ARID2: variants seen among roughly 807,000 people sequenced by gnomAD.
ARID2 encodes the protein AT-rich interactive domain-containing protein 2.
A neutral mutation model predicts 184.6 loss-of-function variants in ARID2; 32 were observed. The observed-to-expected ratio is 0.17, with a 90% CI of 0.13 to 0.23. The LOEUF (loss-of-function observed/expected upper bound fraction) is 0.23, where lower values mean the gene tolerates loss of function less well. ARID2 is among the 10% of genes least tolerant of loss of function. The probability of loss-of-function intolerance (pLI) is 1.00; values close to 1 mark genes in which losing one functional copy is unlikely to be tolerated. For missense variants in ARID2, 1,696 were observed against 2,197.6 expected (o/e 0.77, Z 4.56); for synonymous variants, 836 against 772.6 (o/e 1.08, Z -1.36).
At chr12:45,853,842 A>G (rs1943599418) in intron 15 of ARID2, among the ~76,000 whole-genome samples, 1 of 152,240 alleles carries the variant, frequency 6.6e-6, no homozygotes. Flanking sequence ...GGTGTGGGCA[A>G]TAGCCAAATG....
At chr12:45,831,396 T>C (rs1176202660) in intron 6 of ARID2, among the ~76,000 whole-genome samples, 1 of 152,166 alleles carries the variant, frequency 6.6e-6, no homozygotes, top group Non-Finnish European at 1.5e-5. Context: ...TTAATTGTTA[T>C]GGATATGTAG....
intron 6 of ARID2, among the ~76,000 whole-genome samples, chr12:45,835,958 A>G (rs1943214351): frequency 1.3e-5 from 2 of 151,990 alleles, no homozygotes; most frequent in African/African-American, 2.4e-5. Context: ...TTTAATGTAC[A>G]TAGAGATGTC....
chr12:45,829,795 C>T (rs1435098600), intron 6 of ARID2, among the ~76,000 whole-genome samples: 1 of 111,562 alleles, frequency 9.0e-6, no homozygotes, highest in East Asian at 2.5e-4. Context: ...GGTTATCTTT[C>T]TTCTTCTTTT....
chr12:45,774,246 A>C (rs1321117725), intron 3 of ARID2, among the ~76,000 whole-genome samples: 1 of 152,182 alleles, frequency 6.6e-6, no homozygotes, highest in East Asian at 1.9e-4. Context: ...GACATTACTA[A>C]ATTACTTATA....
At chr12:45,830,605 C>T (rs1284208198) in intron 6 of ARID2, among the ~76,000 whole-genome samples, 3 of 152,054 alleles carry the variant, frequency 2.0e-5, no homozygotes, top group South Asian at 2.1e-4. Context: ...GCATCAAGAG[C>T]GAAACCATTT....
chr12:45,737,444 T>A (rs1180169681), intron 3 of ARID2, among the ~76,000 whole-genome samples: 1 of 151,918 alleles, frequency 6.6e-6, no homozygotes, highest in African/African-American at 2.4e-5. Flanking sequence ...CTTTGATTGC[T>A]TTCTTTTGGT....
At chr12:45,899,779 C>A (rs1482251945) in intron 20 of ARID2, among the ~76,000 whole-genome samples, 1 of 117,522 alleles carries the variant, frequency 8.5e-6, no homozygotes, top group Non-Finnish European at 1.9e-5. Flanking sequence ...CCCTACTTTA[C>A]CCCCCCCTCC....
intron 3 of ARID2, among the ~76,000 whole-genome samples, chr12:45,742,551 A>T (rs1467794672): frequency 3.9e-5 from 6 of 152,208 alleles, no homozygotes; most frequent in African/African-American, 1.4e-4. Context: ...CATTAAAAAT[A>T]TATATTTTGC....
intron 6 of ARID2, among the ~76,000 whole-genome samples, chr12:45,833,790 C>G (rs1592106016): frequency 6.6e-6 from 1 of 152,166 alleles, no homozygotes; most frequent in East Asian, 1.9e-4. Flanking sequence ...ATTACAGCCT[C>G]TTATAATTGT....
chr12:45,788,628 C>T (rs902715086), intron 3 of ARID2, among the ~76,000 whole-genome samples: 1 of 152,076 alleles, frequency 6.6e-6, no homozygotes, highest in Non-Finnish European at 1.5e-5. Context: ...GTTTATAATA[C>T]TCCTATAGTG....
chr12:45,863,770 C>T (rs1168596250), intron 16 of ARID2, among the ~76,000 whole-genome samples: 1 of 151,062 alleles, frequency 6.6e-6, no homozygotes, highest in Non-Finnish European at 1.5e-5. Context: ...GTTCTTAGTT[C>T]TGTATTGGCA....
intron 16 of ARID2, among the ~76,000 whole-genome samples, chr12:45,866,601 G>A (rs1349601718): frequency 6.6e-6 from 1 of 152,166 alleles, no homozygotes; most frequent in African/African-American, 2.4e-5. Context: ...CCCACTACCT[G>A]GCTACTCAAA....
chr12:45,843,004 C>T (rs1359373653), intron 11 of ARID2, among the ~76,000 whole-genome samples: 1 of 152,068 alleles, frequency 6.6e-6, no homozygotes, highest in Non-Finnish European at 1.5e-5. Context: ...GTTCTTTGAA[C>T]TTCAGAATTA....
intron 3 of ARID2, among the ~76,000 whole-genome samples, chr12:45,804,484 G>A (rs1205957432): frequency 6.6e-6 from 1 of 151,730 alleles, no homozygotes; most frequent in African/African-American, 2.4e-5. Context: ...GTGTGCGTGT[G>A]TGTGCGTGTG....
chr12:45,848,086 G>A (rs1346232221), intron 12 of ARID2, among the ~76,000 whole-genome samples: 1 of 151,838 alleles, frequency 6.6e-6, no homozygotes, highest in African/African-American at 2.4e-5. Context: ...TGGAGAGGGG[G>A]AAGAGAATCA....
At chr12:45,890,405 T>C (rs1048523062) in intron 16 of ARID2, among the ~76,000 whole-genome samples, 1 of 152,262 alleles carries the variant, frequency 6.6e-6, no homozygotes, top group Admixed American at 6.5e-5. Context: ...TGTGTATATG[T>C]GTGCACGTGT....
intron 20 of ARID2, among the ~76,000 whole-genome samples, chr12:45,902,029 A>C (rs1257786249): frequency 6.6e-6 from 1 of 152,220 alleles, no homozygotes; most frequent in Non-Finnish European, 1.5e-5. Flanking sequence ...GAATGGAAAG[A>C]AACTTGTTTA....
At chr12:45,833,389 T>C (rs1943158369) in intron 6 of ARID2, among the ~76,000 whole-genome samples, 1 of 152,204 alleles carries the variant, frequency 6.6e-6, no homozygotes, top group Non-Finnish European at 1.5e-5. Context: ...TCACTGAACA[T>C]ACTTAATAGT....
intron 16 of ARID2, among the ~76,000 whole-genome samples, chr12:45,861,680 G>T (rs1304141646): frequency 6.7e-6 from 1 of 149,332 alleles, no homozygotes; most frequent in African/African-American, 2.5e-5. Context: ...CACCTCCTAG[G>T]TTCAAGCAAT....
Sources: gnomAD v4.1 joint callset for allele counts (sites outside exome capture counted in the v4.1 genomes callset) on GRCh38, gnomAD v4.1.1 for gene constraint, MANE v1.5 for transcripts, NCBI Gene and HGNC (gene_info 2026-07-23, HGNC 2026-07-21) for gene names.